Variants in ARHGAP45 observed in about 807,000 individuals in gnomAD.
The protein encoded by ARHGAP45 is Rho GTPase activating protein 45.
Under a neutral mutation model 116.1 loss-of-function variants are expected in ARHGAP45, and 56 were observed. That is an observed-to-expected ratio of 0.48 (90% confidence interval 0.39 to 0.60). The LOEUF (loss-of-function observed/expected upper bound fraction) is 0.60. ARHGAP45 is among the 20% of genes least tolerant of loss of function. The probability of loss-of-function intolerance (pLI) is 0.00; values close to 1 mark genes in which losing one functional copy is unlikely to be tolerated. For synonymous variants in ARHGAP45, 866 were observed against 701.7 expected, an observed-to-expected ratio of 1.23 and a Z score of -3.70; for missense variants, 1,622 against 1,601.0, an observed-to-expected ratio of 1.01 and a Z score of -0.22.
chr19:1,073,765 G>C lies in ARHGAP45; in HGVS notation c.723+19G>C, dbSNP rs1298200529. 6.4e-7 allele frequency: 1 copy of C among 1,570,922 alleles called. No individual in the cohort carries two copies. The highest frequency in any genetic ancestry group is 1.9e-5 in the Admixed American group (1 of 53,334). ...GAGCCAGGTGAGTGGGGTGGGCCAG[G>C]GCCACCTGTGTCCAGCTTCTGGAGG... On this transcript the variant is annotated intron_variant, in intron 5 of 22. Transcript: ENST00000313093.
upstream of ARHGAP45, chr19:1,066,286 G>A: frequency 1.3e-6 from 1 of 760,174 alleles, no homozygotes; most frequent in Admixed American, 2.9e-5. Flanking sequence ...GCGGGGTGGG[G>A]GTTGGGGGAA....
intron 10 of ARHGAP45, chr19:1,077,341 C>A (rs2043276587): frequency 4.0e-6 from 4 of 995,828 alleles, no homozygotes; most frequent in Non-Finnish European, 4.8e-6. Flanking sequence ...ACCCATTTCT[C>A]CGAGTGTCCT....
chr19:1,084,199 A>AGCCCCG, intron 21 of ARHGAP45, 39 bp from the exon 22 acceptor site: 1 of 1,563,926 alleles, frequency 6.4e-7, no homozygotes, highest in Non-Finnish European at 8.8e-7. Context: ...TGGAAAATGG[A>AGCCCCG]GCCCCGGCCC....
At position 1,085,852 on chromosome 19, in the gene ARHGAP45, G is replaced by GGGACGGGGACGGGGACGA; in HGVS notation, c.3268_3269insGGGACGAGGACGGGGACG (p.Asp1089_Glu1090insGlyAspGluAspGlyAsp). 1 of 1,612,094 alleles carries GGGACGGGGACGGGGACGA rather than the reference G, an allele frequency of 6.2e-7. No individual in the cohort carries two copies. The highest frequency in any genetic ancestry group is 1.3e-5 in the African/African-American group (1 of 74,982). On this transcript the variant is annotated inframe_insertion, in exon 23 of 23. Coordinates refer to ENST00000313093, the MANE Select transcript of ARHGAP45 (RefSeq NM_012292.5). ...CTGGAGGCCACAGCCCGGGAGGACGGGGACGGGGACGAGGACGGCCCGGCC... is the reference window on the plus strand; with the variant it reads ...CTGGAGGCCACAGCCCGGGAGGACGGGGACGGGGACGGGGACGAGGACGGGGACGAGGACGGCCCGGCC...
chr19:1,070,768 T>A (rs1289632567), intron 2 of ARHGAP45, among the ~76,000 whole-genome samples: 1 of 151,062 alleles, frequency 6.6e-6, no homozygotes, highest in East Asian at 2.0e-4. Context: ...ACAGGCCTGA[T>A]CCACCGCGCC....
chr19:1,081,675 C>A lies in ARHGAP45; in HGVS notation c.2316C>A (p.Asp772Glu), dbSNP rs776535961. The A allele has an allele frequency of 6.3e-7, 1 of 1,586,164 alleles. No homozygotes were observed. Among genetic ancestry groups the A allele is most frequent in the Non-Finnish European group, 8.6e-7 (1 of 1,166,972 alleles). Reference sequence around the variant, plus strand: ...GCCACGCGGCCCGCAGCGCCCCCGACGGCGTGCCCTTCATCGTCAAGAAGT... The same window carrying A: ...GCCACGCGGCCCGCAGCGCCCCCGAAGGCGTGCCCTTCATCGTCAAGAAGT... The part of the protein sequence containing the change: ...DFSHAARSAP[D>E]GVPFIVKKCV... Residue 772 changes from aspartate to glutamate, a missense_variant, in exon 18 of 23, where the codon GAC (aspartate) becomes GAA (glutamate). Physicochemically the swap from Asp to Glu is conservative, Grantham distance 45. This residue lies in a region of ARHGAP45 where 1,334 missense variants were observed against 1,263.8 expected (regional missense o/e 1.06). Transcript: ENST00000313093.
At position 1,073,179 on chromosome 19, in the gene ARHGAP45, A is replaced by G; in HGVS notation, c.452A>G (p.His151Arg). ...CTTGAGGCCCGCCGCCCGCGGGCCCACGAGTGCCTGGGTGAGGCTCTGCGT... is the reference window on the plus strand; with the variant it reads ...CTTGAGGCCCGCCGCCCGCGGGCCCGCGAGTGCCTGGGTGAGGCTCTGCGT... ...DLLEARRPRA[H>R]ECLGEALRVM... The change falls in exon 3 of 23, where the codon CAC (histidine) becomes CGC (arginine). Residue 151 changes from histidine (H) to arginine (R), a missense_variant. Physicochemically the swap from His to Arg is conservative, Grantham distance 29. This residue lies in a region of ARHGAP45 where 279 missense variants were observed against 311.9 expected (regional missense o/e 0.89). Coordinates refer to ENST00000313093, the MANE Select transcript of ARHGAP45 (RefSeq NM_012292.5). 6.2e-7 allele frequency: 1 copy of G among 1,611,272 alleles called. No homozygotes were observed. Among genetic ancestry groups the G allele is most frequent in the Non-Finnish European group, 8.5e-7 (1 of 1,179,968 alleles).
At position 1,085,829 on chromosome 19, in the gene ARHGAP45, G is replaced by A. The variant is rs1290957728; in HGVS notation, c.3234G>A (p.Leu1078=). Reference sequence around the variant, plus strand: ...GCCACAGCGGCAGTGAGGAGCAGCTGGAGGCCACAGCCCGGGAGGACGGGG... The same window carrying A: ...GCCACAGCGGCAGTGAGGAGCAGCTAGAGGCCACAGCCCGGGAGGACGGGG... The part of the protein sequence containing the change: ...SGSHSGSEEQ[L]EATAREDGDG... The change falls in exon 23 of 23, where the codon CTG becomes CTA. Residue 1078 remains leucine, a synonymous_variant. Transcript: ENST00000313093. 3.7e-6 allele frequency: 6 copies of A among 1,612,624 alleles called. No homozygotes were observed. In the African/African-American group the frequency reaches 4.0e-5, roughly 11 times the overall value.
chr19:1,085,407 G>A (rs1430170432), intron 22 of ARHGAP45, among the ~76,000 whole-genome samples: 2 of 151,968 alleles, frequency 1.3e-5, no homozygotes, highest in African/African-American at 4.8e-5. Flanking sequence ...GGGACACAGA[G>A]CCAGACCCTA....
intron 5 of ARHGAP45, 94 bp downstream of exon 5, chr19:1,073,840 G>C: frequency 6.5e-7 from 1 of 1,532,690 alleles, no homozygotes; most frequent in Non-Finnish European, 8.8e-7. Flanking sequence ...TGCTTCCCCT[G>C]TGCGCCTTGG....
intron 9 of ARHGAP45, 30 bp from the exon 10 acceptor site, chr19:1,074,769 G>T (rs988555117): frequency 4.2e-5 from 67 of 1,599,286 alleles, no homozygotes; most frequent in Non-Finnish European, 5.5e-5. Context: ...GTGTCACCGG[G>T]GTACCCACTC....
chr19:1,080,603 C>T (rs1252524041), intron 15 of ARHGAP45, 56 bp downstream of exon 15: 2 of 1,606,998 alleles, frequency 1.2e-6, no homozygotes, highest in Admixed American at 3.3e-5. Context: ...TCCTGAGCCT[C>T]AGGGTTTCAT....
At chr19:1,073,400 C>G in intron 3 of ARHGAP45, 106 bp from the exon 4 acceptor site, 2 of 1,567,520 alleles carry the variant, frequency 1.3e-6, no homozygotes, top group South Asian at 1.1e-5. Context: ...TTGACAGGCA[C>G]AAGCTCCCTC....
intron 10 of ARHGAP45, chr19:1,077,221 G>C: frequency 1.0e-6 from 1 of 985,390 alleles, no homozygotes; most frequent in Non-Finnish European, 1.2e-6. Context: ...AGAGCCCGGA[G>C]ACGCTCCCGT....
chr19:1,075,036 A>G (rs3214170), intron 10 of ARHGAP45, among the ~76,000 whole-genome samples, 157 bp downstream of exon 10: 21 of 110,968 alleles, frequency 1.9e-4, no homozygotes, highest in African/African-American at 3.5e-4. Flanking sequence ...CGCCCCCCCC[A>G]ACGCCAAGCC....
intron 22 of ARHGAP45, 30 bp downstream of exon 22, chr19:1,084,376 A>G (rs1469610199): frequency 1.9e-6 from 3 of 1,569,418 alleles, no homozygotes; most frequent in Admixed American, 1.8e-5. Context: ...AACGGCCCCA[A>G]GGGAGGCTGG....
chr19:1,083,345 G>A lies in ARHGAP45; in HGVS notation c.2947G>A (p.Gly983Arg), dbSNP rs1210367885. Residue 983 changes from glycine (G) to arginine (R), a missense_variant, in exon 21 of 23, where the codon GGG (glycine) becomes AGG (arginine). By Grantham distance (125) the Gly-to-Arg change is moderately radical. This residue lies in a region of ARHGAP45 where 1,334 missense variants were observed against 1,263.8 expected (regional missense o/e 1.06). Coordinates refer to ENST00000313093, the MANE Select transcript of ARHGAP45 (RefSeq NM_012292.5). Reference sequence around the variant, plus strand: ...CGAGGAGGAGCCGGAGGAGACCCCCGGGGGCCAGGTGAGGGTGTGGGCCTG... The same window carrying A: ...CGAGGAGGAGCCGGAGGAGACCCCCAGGGGCCAGGTGAGGGTGTGGGCCTG... ...VFEEEPEETPGGQDESSNQRA... is the reference protein window; with the variant it reads ...VFEEEPEETPRGQDESSNQRA... 5.2e-6 allele frequency: 8 copies of A among 1,547,464 alleles called. No homozygotes were observed. The highest frequency in any genetic ancestry group is 6.1e-6 in the Non-Finnish European group (7 of 1,148,746).
chr19:1,076,953 T>C, intron 10 of ARHGAP45: 2 of 873,396 alleles, frequency 2.3e-6, no homozygotes, highest in Non-Finnish European at 2.7e-6. Context: ...GGTCTCAAAC[T>C]CCTGGCCTCA....
Position 1,083,281 on chromosome 19 carries a change from C to T in ARHGAP45, c.2883C>T (p.Arg961=), listed in dbSNP as rs1452091727. Residue 961 remains arginine (R), a synonymous_variant, in exon 21 of 23, where the codon CGC becomes CGT. Coordinates refer to ENST00000313093, the MANE Select transcript of ARHGAP45 (RefSeq NM_012292.5). ...TGGTGGATTATCCCCATCAGGCCCG[C>T]GTCATCGAGACTCTCATCGTCCACT... ...SSLVDYPHQA[R]VIETLIVHYG... The T allele has an allele frequency of 3.1e-6, 5 of 1,591,038 alleles. No individual in the cohort carries two copies. The highest frequency in any genetic ancestry group is 3.5e-5 in the Admixed American group (2 of 57,382).
Sources: gnomAD v4.1 joint callset for allele counts (sites outside exome capture counted in the v4.1 genomes callset) on GRCh38, gnomAD v4.1.1 for gene constraint, gnomAD v4.1.1 regional missense constraint, MANE v1.5 for transcripts, NCBI Gene and HGNC (gene_info 2026-07-23, HGNC 2026-07-21) for gene names.